The following PDE4D variants were observed in gnomAD, a reference collection of about 807,000 sequenced individuals.
PDE4D encodes the protein 3',5'-cyclic-AMP phosphodiesterase 4D.
PDE4D carries 24 observed loss-of-function variants against 87.4 expected under a neutral mutation model. The ratio of observed to expected loss-of-function variants is 0.27; its 90% CI spans 0.20 to 0.39. PDE4D has a LOEUF of 0.39. Among genes scored for constraint, PDE4D ranks in the 10% least tolerant of loss-of-function variants. The probability of loss-of-function intolerance (pLI) is 1.00; values close to 1 mark genes in which losing one functional copy is unlikely to be tolerated. For synonymous variants in PDE4D, 384 were observed against 383.2 expected (o/e 1.00, Z -0.02); for missense variants, 714 against 1,041.0 (o/e 0.69, Z 4.32).
chr5:60,165,923 T>G (rs1782849919), intron 2 of PDE4D, among the ~76,000 whole-genome samples: 1 of 151,932 alleles, frequency 6.6e-6, no homozygotes, highest in Non-Finnish European at 1.5e-5. Flanking sequence ...GTTCACTGTT[T>G]TCTAGTTGTT....
chr5:59,311,437 G>A (rs10079932), intron 1 of PDE4D, among the ~76,000 whole-genome samples: 9,659 of 139,880 alleles, frequency 0.069, 422 homozygotes, highest in South Asian at 0.14. Flanking sequence ...GGAAGTAGAG[G>A]TTGCAATGAG....
chr5:59,882,918 C>T (rs1359500060), intron 1 of PDE4D, among the ~76,000 whole-genome samples: 2 of 152,108 alleles, frequency 1.3e-5, no homozygotes, highest in South Asian at 2.1e-4. Context: ...GCTGGGATTA[C>T]AGGCACGTGT....
intron 1 of PDE4D, among the ~76,000 whole-genome samples, chr5:59,298,039 G>C (rs573186713): frequency 4.9e-4 from 74 of 152,014 alleles, no homozygotes; most frequent in African/African-American, 1.8e-3. Context: ...TGTGAGGGGA[G>C]GTACTGGAGC....
chr5:59,574,104 T>TTATA (rs1246363236), intron 1 of PDE4D, among the ~76,000 whole-genome samples: 1 of 5,180 alleles, frequency 1.9e-4, no homozygotes, highest in African/African-American at 3.7e-4. Context: ...AAATATATAT[T>TTATA]TATATATATA....
At chr5:59,447,906 C>T (rs987320494) in intron 1 of PDE4D, among the ~76,000 whole-genome samples, 11 of 152,182 alleles carry the variant, frequency 7.2e-5, no homozygotes, top group African/African-American at 2.4e-4. Context: ...TCTGCCTTCT[C>T]AGGATGGGCA....
chr5:59,257,934 G>A (rs1761283315), intron 1 of PDE4D, among the ~76,000 whole-genome samples: 1 of 151,890 alleles, frequency 6.6e-6, no homozygotes, highest in Non-Finnish European at 1.5e-5. Context: ...GGTCAGATAT[G>A]TACAGAAAAC....
At chr5:59,365,845 A>C (rs893327370) in intron 1 of PDE4D, among the ~76,000 whole-genome samples, 2 of 152,152 alleles carry the variant, frequency 1.3e-5, no homozygotes, top group Non-Finnish European at 2.9e-5. Flanking sequence ...ACACATTAAA[A>C]CTGACAAACG....
chr5:59,105,399 A>G (rs141621109), intron 5 of PDE4D, among the ~76,000 whole-genome samples: 83 of 152,266 alleles, frequency 5.5e-4, no homozygotes, highest in African/African-American at 1.9e-3. Context: ...CAGTGGAAAA[A>G]CATAGACACT....
intron 1 of PDE4D, among the ~76,000 whole-genome samples, chr5:59,353,474 C>T (rs1306009401): frequency 6.6e-6 from 1 of 151,962 alleles, no homozygotes; most frequent in Non-Finnish European, 1.5e-5. Context: ...AGGGGCGTTG[C>T]TCTAAAGTAA....
chr5:60,097,771 C>T (rs763688033), intron 2 of PDE4D, among the ~76,000 whole-genome samples: 94 of 151,744 alleles, frequency 6.2e-4, no homozygotes, highest in Non-Finnish European at 1.3e-3. Context: ...GTGTTAAATC[C>T]GGTGCTGTGA....
intron 5 of PDE4D, among the ~76,000 whole-genome samples, chr5:59,161,800 C>T (rs1348092927): frequency 6.6e-6 from 1 of 152,210 alleles, no homozygotes; most frequent in Non-Finnish European, 1.5e-5. Flanking sequence ...TTTCCAGTTC[C>T]TTCTATATCT....
At chr5:60,152,664 A>G (rs1582884653) in intron 2 of PDE4D, among the ~76,000 whole-genome samples, 1 of 151,924 alleles carries the variant, frequency 6.6e-6, no homozygotes, top group Non-Finnish European at 1.5e-5. Flanking sequence ...AAAAAAAAAA[A>G]AAAAAGAAAA....
At chr5:59,412,980 C>T (rs1277642703) in intron 1 of PDE4D, among the ~76,000 whole-genome samples, 1 of 145,564 alleles carries the variant, frequency 6.9e-6, no homozygotes, top group African/African-American at 2.7e-5. Context: ...CAAATTTAAA[C>T]TTGTCTATCT....
intron 2 of PDE4D, among the ~76,000 whole-genome samples, chr5:60,168,516 C>T (rs560105623): frequency 1.5e-4 from 23 of 152,218 alleles, no homozygotes; most frequent in South Asian, 4.1e-4. Flanking sequence ...GTAGGTAGGC[C>T]GCATAGCCAC....
intron 1 of PDE4D, among the ~76,000 whole-genome samples, chr5:60,413,496 T>C (rs1252657439): frequency 6.6e-6 from 1 of 151,878 alleles, no homozygotes; most frequent in Non-Finnish European, 1.5e-5. Context: ...AAAGGAGAAA[T>C]AGATGGGAAG....
chr5:59,002,138 C>T, intron 6 of PDE4D: 1 of 459,428 alleles, frequency 2.2e-6, no homozygotes, highest in Non-Finnish European at 4.3e-6. Context: ...ATATCACCCC[C>T]TCTAACTCCC....
intron 1 of PDE4D, among the ~76,000 whole-genome samples, chr5:59,371,389 G>A (rs1402473501): frequency 6.6e-6 from 1 of 152,166 alleles, no homozygotes; most frequent in African/African-American, 2.4e-5. Context: ...AAGATTAGAG[G>A]CAGAGAGACA....
intron 5 of PDE4D, among the ~76,000 whole-genome samples, chr5:59,112,144 G>A (rs761016781): frequency 6.6e-6 from 1 of 152,108 alleles, no homozygotes; most frequent in South Asian, 2.1e-4. Flanking sequence ...TTAAAGCAAT[G>A]GAATTGGCCC....
intron 2 of PDE4D, among the ~76,000 whole-genome samples, chr5:60,047,136 T>C (rs1769375997): frequency 6.6e-6 from 1 of 152,352 alleles, no homozygotes; most frequent in African/African-American, 2.4e-5. Flanking sequence ...TTCTTCTAGA[T>C]TTTCTAGTTT....
Sources: gnomAD v4.1 joint callset for allele counts (sites outside exome capture counted in the v4.1 genomes callset) on GRCh38, gnomAD v4.1.1 for gene constraint, MANE v1.5 for transcripts, NCBI Gene and HGNC (gene_info 2026-07-23, HGNC 2026-07-21) for gene names.